The following RBMS2 variants were observed in gnomAD, a reference collection of about 807,000 sequenced individuals.
The protein encoded by RBMS2 is RNA-binding motif, single-stranded-interacting protein 2.
Under a neutral mutation model 58.4 loss-of-function variants are expected in RBMS2, and 38 were observed. The observed-to-expected ratio is 0.65, with a 90% confidence interval of 0.50 to 0.85. RBMS2 has a LOEUF of 0.85. Ranked by LOEUF, RBMS2 falls within the 40% of genes least tolerant of loss-of-function variation. The probability of loss-of-function intolerance (pLI) is 0.00; values close to 1 mark genes in which losing one functional copy is unlikely to be tolerated. For missense variants in RBMS2, 367 were observed against 503.7 expected, an observed-to-expected ratio of 0.73 and a Z score of 2.60; for synonymous variants, 151 against 180.7, an observed-to-expected ratio of 0.84 and a Z score of 1.32.
intron 9 of RBMS2, among the ~76,000 whole-genome samples, chr12:56,582,764 G>T (rs1465095536): frequency 6.6e-6 from 1 of 152,188 alleles, no homozygotes; most frequent in Admixed American, 6.5e-5. Flanking sequence ...CGCCTCCTAG[G>T]TTCAGGCGAT....
intron 9 of RBMS2, among the ~76,000 whole-genome samples, chr12:56,585,297 G>T (rs1008723048): frequency 6.6e-6 from 1 of 152,150 alleles, no homozygotes; most frequent in African/African-American, 2.4e-5. Context: ...TTGGCCTAGC[G>T]CCAAATTATT....
At chr12:56,542,541 T>G (rs186904947) in intron 1 of RBMS2, among the ~76,000 whole-genome samples, 1 of 150,364 alleles carries the variant, frequency 6.7e-6, no homozygotes, top group Non-Finnish European at 1.5e-5. Flanking sequence ...TTTTTTTTTT[T>G]TCTTGTTTTT....
At chr12:56,573,007 C>G (rs1475345340) in intron 5 of RBMS2, 38 of 975,538 alleles carry the variant, frequency 3.9e-5, no homozygotes, top group Non-Finnish European at 4.5e-5. Context: ...TAAGAAATGG[C>G]TCTGCTTTTA....
rs1885357208 is a variant in RBMS2, at chr12:56,592,279, GTAC to G, written c.*3148_*3150del. ...CTCATAACATTCTTAAAATATTTTA[GTAC>G]TTGGCATTTTTCTGTTTTCAGTCAG... On this transcript the variant is annotated 3_prime_UTR_variant, in exon 14 of 14. Coordinates refer to ENST00000262031, the MANE Select transcript of RBMS2 (RefSeq NM_002898.4). 2.0e-5 allele frequency: 3 copies of G among 152,088 alleles called. No individual in the cohort carries two copies. The highest frequency in any genetic ancestry group is 2.0e-4 in the Admixed American group (3 of 15,254). The allele number at this position is 152,088 out of a possible 1,614,324, so 9.4% of individuals were successfully genotyped here. A position where few individuals can be genotyped will look rare whatever the true frequency, so the allele number is the denominator to read the frequency against.
chr12:56,538,174 A>C (rs996205074), intron 1 of RBMS2, among the ~76,000 whole-genome samples: 5 of 151,802 alleles, frequency 3.3e-5, no homozygotes, highest in African/African-American at 1.2e-4. Context: ...CTGGGATTAC[A>C]GACGTGCACC....
rs1311803666 is a variant in RBMS2, at chr12:56,562,358, C to T, written c.67-59C>T. 6 of 1,480,522 alleles carry T rather than the reference C, an allele frequency of 4.1e-6. No homozygotes were observed. In the South Asian group the frequency reaches 7.2e-5, roughly 18 times the overall value. 91.7% of individuals were successfully genotyped at this position (1,480,522 alleles called of 1,614,324 possible). A position where few individuals can be genotyped will look rare whatever the true frequency, so the allele number is the denominator to read the frequency against. ...TTTTTTCAAGAGGTCCAGGATCTTC[C>T]TCACTCTCCAACATGTAAATGGATA... On this transcript the variant is annotated intron_variant, in intron 1 of 13. Transcript: ENST00000262031.
intron 1 of RBMS2, among the ~76,000 whole-genome samples, chr12:56,544,754 A>ATTTTTTTTTTTTTTTTTTTTTT (rs537510847): frequency 8.6e-6 from 1 of 116,076 alleles, no homozygotes; most frequent in African/African-American, 3.1e-5. Flanking sequence ...CTAATTTTTA[A>ATTTTTTTTTTTTTTTTTTTTTT]TTTTTTTTTT....
At chr12:56,562,825 A>C (rs1880669549) in intron 2 of RBMS2, among the ~76,000 whole-genome samples, 1 of 152,080 alleles carries the variant, frequency 6.6e-6, no homozygotes, top group Non-Finnish European at 1.5e-5. Flanking sequence ...CCTCTTAAAA[A>C]ATTCTACCTG....
intron 1 of RBMS2, among the ~76,000 whole-genome samples, chr12:56,536,309 T>C (rs1874818132): frequency 6.6e-6 from 1 of 151,316 alleles, no homozygotes; most frequent in Non-Finnish European, 1.5e-5. Context: ...ATTTTTGTAG[T>C]GATAGGGTTT....
At position 56,529,942 on chromosome 12, in the gene RBMS2, C is replaced by G. The variant is rs182934750; in HGVS notation, c.66+7853C>G. ...TTCTTTATTTAGAGACAGGGTCTCA[C>G]TCTGTTGCCCAGGCTGGAGTGCATT... is the stretch of plus-strand genomic sequence containing the variant. On this transcript the variant is annotated intron_variant, in intron 1 of 13. Transcript: ENST00000262031. Among the ~76,000 whole-genome samples, 426 of 152,330 alleles carry G rather than the reference C, an allele frequency of 2.8e-3. 3 individuals are homozygous for G. The highest frequency in any genetic ancestry group is 4.9e-3 in the Non-Finnish European group (330 of 68,038).
chr12:56,521,500 C>CTTTTTTTTT (rs1871713749), upstream of RBMS2, among the ~76,000 whole-genome samples: 7 of 92,450 alleles, frequency 7.6e-5, no homozygotes, highest in African/African-American at 3.3e-4. Context: ...CACTCTAACT[C>CTTTTTTTTT]TGTTTTTTTT....
At chr12:56,557,985 C>A (rs564830306) in intron 1 of RBMS2, among the ~76,000 whole-genome samples, 1 of 148,702 alleles carries the variant, frequency 6.7e-6, no homozygotes, top group Non-Finnish European at 1.5e-5. Flanking sequence ...TGGATCCACC[C>A]GCCTCAGCCT....
rs750333517 is a variant in RBMS2 at position 56,588,370 on chromosome 12, T to A, written c.1139T>A (p.Val380Asp). The A allele has an allele frequency of 5.6e-6, 9 of 1,611,140 alleles. No homozygotes were observed. The Admixed American group carries it at 1.5e-4, about 27-fold the overall frequency. ...CCTGTGCCTTCTTCCAGTGTTTCAGTCGAGGTAAGGGTGTTATCATTTCTT... is the reference window on the plus strand; with the variant it reads ...CCTGTGCCTTCTTCCAGTGTTTCAGACGAGGTAAGGGTGTTATCATTTCTT... ...YTPVPSSSVS[V>D]EESSGQQNQV... Residue 380 changes from valine to aspartate, a missense_variant, in exon 12 of 14, where the codon GTC becomes GAC. By Grantham distance (152) the Val-to-Asp change is radical (BLOSUM62 -3). This residue lies in a region of RBMS2 where 220 missense variants were observed against 261.1 expected (regional missense o/e 0.84). Coordinates refer to ENST00000262031, the MANE Select transcript of RBMS2 (RefSeq NM_002898.4).
chr12:56,537,843 T>G (rs930837710), intron 1 of RBMS2, among the ~76,000 whole-genome samples: 45 of 99,986 alleles, frequency 4.5e-4, no homozygotes, highest in African/African-American at 1.4e-3. Flanking sequence ...CTTGTTGTTT[T>G]CTGCCTTTTT....
At chr12:56,568,538 T>C (rs1881750149) in intron 2 of RBMS2, among the ~76,000 whole-genome samples, 1 of 150,104 alleles carries the variant, frequency 6.7e-6, no homozygotes, top group Non-Finnish European at 1.5e-5. Context: ...TTCTTTTTTT[T>C]CTTTTTTTTT....
chr12:56,588,142 C>G, intron 11 of RBMS2, 152 bp from the exon 12 acceptor site: 1 of 645,936 alleles, frequency 1.5e-6, no homozygotes, highest in Non-Finnish European at 2.7e-6. Flanking sequence ...TTAGAACCAC[C>G]TGAAGTGCTT....
chr12:56,539,228 G>A (rs1180406947), intron 1 of RBMS2, among the ~76,000 whole-genome samples: 2 of 152,010 alleles, frequency 1.3e-5, no homozygotes, highest in Admixed American at 1.3e-4. Context: ...TGTTGGCCAG[G>A]CTGGTCTGGA....
intron 1 of RBMS2, among the ~76,000 whole-genome samples, chr12:56,525,592 C>T (rs1041484914): frequency 2.6e-5 from 4 of 152,134 alleles, no homozygotes; most frequent in South Asian, 2.1e-4. Context: ...GCCATGATCT[C>T]GGCTCACTAC....
rs563161140 is a variant in RBMS2 at position 56,562,510 on chromosome 12, A to C, written c.160A>C (p.Ser54Arg). 1 of 1,610,614 alleles carries C rather than the reference A, an allele frequency of 6.2e-7. No homozygotes were observed. Among genetic ancestry groups the C allele is most frequent in the South Asian group, 1.1e-5 (1 of 91,010 alleles). ...SSGSNGNDQL[S>R]KTNLYIRGLQ... ...TGGAAGCAATGGAAATGACCAGCTG[A>C]GCAAAACCAACCTATACATCCGAGG... Residue 54 changes from serine to arginine, a missense_variant, in exon 2 of 14, where the codon AGC becomes CGC. By Grantham distance (110) the Ser-to-Arg change is moderately radical. Around this residue, in one of 3 missense-constraint regions of RBMS2, gnomAD observed 93 missense variants for 132.2 expected, o/e 0.70. Transcript: ENST00000262031.
Sources: allele counts gnomAD v4.1 joint callset (sites outside exome capture counted in the v4.1 genomes callset), GRCh38; gene constraint gnomAD v4.1.1; regional missense constraint gnomAD v4.1.1; transcripts MANE v1.5; gene names NCBI Gene and HGNC (gene_info 2026-07-23, HGNC 2026-07-21).